The following SPIDR variants were observed in gnomAD, a reference collection of about 807,000 sequenced individuals.
SPIDR encodes the protein scaffold protein involved in DNA repair.
Under a neutral mutation model 104.6 loss-of-function variants are expected in SPIDR, and 93 were observed. That is an observed-to-expected ratio of 0.89 (90% confidence interval 0.75 to 1.06). SPIDR has a LOEUF of 1.06. Among genes scored for constraint, SPIDR ranks in the 50% least tolerant of loss-of-function variants. SPIDR has a pLI of 0.00. For missense variants in SPIDR, 1,154 were observed against 1,111.2 expected (o/e 1.04, Z -0.55); for synonymous variants, 431 against 416.9 (o/e 1.03, Z -0.41).
chr8:47,580,015 ACCT>A (rs1379426649), intron 8 of SPIDR, among the ~76,000 whole-genome samples: 1 of 151,966 alleles, frequency 6.6e-6, no homozygotes, highest in African/African-American at 2.4e-5. Flanking sequence ...TTGTTATTTA[ACCT>A]CCTCCGAAGA....
intron 8 of SPIDR, chr8:47,511,531 G>A (rs1162460574): frequency 1.3e-5 from 10 of 782,020 alleles, no homozygotes; most frequent in South Asian, 2.7e-5. Context: ...CTGGGCATCG[G>A]ATGGGTCTCA....
intron 8 of SPIDR, among the ~76,000 whole-genome samples, chr8:47,565,247 A>C (rs2057634459): frequency 6.6e-6 from 1 of 152,172 alleles, no homozygotes; most frequent in Non-Finnish European, 1.5e-5. Flanking sequence ...ATTCCGTCTC[A>C]AAAAGAAAGA....
intron 8 of SPIDR, chr8:47,527,266 TGGG>T (rs887584637): frequency 5.9e-5 from 9 of 151,996 alleles, no homozygotes; most frequent in Admixed American, 5.3e-4. Context: ...CCAGTTAACT[TGGG>T]GGGAAGGAAA....
chr8:47,418,611 T>A (rs1488602245), intron 7 of SPIDR, among the ~76,000 whole-genome samples: 1 of 152,182 alleles, frequency 6.6e-6, no homozygotes, highest in Non-Finnish European at 1.5e-5. Flanking sequence ...TACCCTTTAT[T>A]TCCTTCTCCT....
At chr8:47,474,571 G>A (rs113950785) in intron 8 of SPIDR, among the ~76,000 whole-genome samples, 5 of 152,284 alleles carry the variant, frequency 3.3e-5, no homozygotes, top group African/African-American at 7.2e-5. Context: ...TCAGGCTGCC[G>A]TCTGGCATAT....
chr8:47,384,000 A>G (rs1271041049), intron 5 of SPIDR, among the ~76,000 whole-genome samples: 1 of 152,198 alleles, frequency 6.6e-6, no homozygotes, highest in African/African-American at 2.4e-5. Flanking sequence ...GTTTTGATAT[A>G]TGGTATTTAA....
chr8:47,511,736 C>G, intron 8 of SPIDR: 1 of 1,282,860 alleles, frequency 7.8e-7, no homozygotes, highest in Non-Finnish European at 1.1e-6. Flanking sequence ...CTGTTGGTCA[C>G]TCGCTCCACA....
intron 8 of SPIDR, among the ~76,000 whole-genome samples, chr8:47,546,327 C>G (rs922416725): frequency 6.6e-6 from 1 of 152,004 alleles, no homozygotes; most frequent in Non-Finnish European, 1.5e-5. Flanking sequence ...TATTGGGTGA[C>G]TTGTGGTAGT....
At chr8:47,262,264 G>T (rs1428553514) in intron 1 of SPIDR, among the ~76,000 whole-genome samples, 1 of 152,054 alleles carries the variant, frequency 6.6e-6, no homozygotes, top group Non-Finnish European at 1.5e-5. Context: ...AGAAATCTTA[G>T]TATTTTTGAA....
chr8:47,712,585 T>C, intron 14 of SPIDR, 77 bp from the exon 15 acceptor site: 1 of 1,420,296 alleles, frequency 7.0e-7, no homozygotes. Flanking sequence ...TTAGTATATG[T>C]ATAACTTCTG....
intron 8 of SPIDR, among the ~76,000 whole-genome samples, chr8:47,548,925 C>T (rs186788184): frequency 6.6e-6 from 1 of 152,316 alleles, no homozygotes; most frequent in African/African-American, 2.4e-5. Context: ...CCTTCTCCCC[C>T]TACCCCATGA....
At chr8:47,341,279 A>G (rs782577040) in intron 5 of SPIDR, among the ~76,000 whole-genome samples, 1 of 152,218 alleles carries the variant, frequency 6.6e-6, no homozygotes, top group Non-Finnish European at 1.5e-5. Context: ...CAGCAAGGCT[A>G]TGAGGTAGTA....
chr8:47,345,470 G>T (rs1228349143), intron 5 of SPIDR, among the ~76,000 whole-genome samples: 2 of 151,960 alleles, frequency 1.3e-5, no homozygotes, highest in African/African-American at 2.4e-5. Flanking sequence ...CCATATGAAC[G>T]CTAAAACACT....
At chr8:47,727,526 T>C (rs1242547536) in intron 17 of SPIDR, among the ~76,000 whole-genome samples, 1 of 152,190 alleles carries the variant, frequency 6.6e-6, no homozygotes, top group Non-Finnish European at 1.5e-5. Context: ...GTGCTGGGTT[T>C]TGTCCCCACC....
At chr8:47,334,448 G>A (rs994076476) in intron 5 of SPIDR, among the ~76,000 whole-genome samples, 3 of 152,110 alleles carry the variant, frequency 2.0e-5, no homozygotes, top group Non-Finnish European at 2.9e-5. Context: ...CTGTTGATAG[G>A]TATATACATG....
chr8:47,261,596 A>G (rs1378096256), intron 1 of SPIDR, among the ~76,000 whole-genome samples: 1 of 152,184 alleles, frequency 6.6e-6, no homozygotes, highest in Non-Finnish European at 1.5e-5. Context: ...TTATCGTTTT[A>G]AAGTTTCTTC....
chr8:47,474,616 G>A (rs1195122962), intron 8 of SPIDR, among the ~76,000 whole-genome samples: 1 of 152,156 alleles, frequency 6.6e-6, no homozygotes, highest in Non-Finnish European at 1.5e-5. Context: ...TGTGAAAATG[G>A]AGTTCTCAAT....
At chr8:47,362,932 C>T (rs1377669690) in intron 5 of SPIDR, among the ~76,000 whole-genome samples, 6 of 152,176 alleles carry the variant, frequency 3.9e-5, no homozygotes, top group East Asian at 3.9e-4. Context: ...GGATTACAGG[C>T]GTGAGCTACC....
At chr8:47,478,397 T>G (rs984639651) in intron 8 of SPIDR, among the ~76,000 whole-genome samples, 12 of 152,152 alleles carry the variant, frequency 7.9e-5, no homozygotes, top group African/African-American at 2.9e-4. Flanking sequence ...TAGGCTGCCA[T>G]GACTGGGAGA....
Sources: allele counts gnomAD v4.1 joint callset (sites outside exome capture counted in the v4.1 genomes callset), GRCh38; gene constraint gnomAD v4.1.1; transcripts MANE v1.5; gene names NCBI Gene and HGNC (gene_info 2026-07-23, HGNC 2026-07-21).